DCLK2: variants seen among roughly 807,000 people sequenced by gnomAD.
DCLK2 encodes the protein doublecortin like kinase 2, also known as serine/threonine-protein kinase DCLK2.
In DCLK2, 31 loss-of-function variants were observed where a neutral mutation model predicts 78.4. The ratio of observed to expected loss-of-function variants is 0.40; its 90% CI spans 0.30 to 0.53. DCLK2 has a LOEUF of 0.53. Ranked by LOEUF, DCLK2 falls within the 20% of genes least tolerant of loss-of-function variation. The pLI is 0.61. For missense variants in DCLK2, 872 were observed against 973.7 expected (o/e 0.90, Z 1.39); for synonymous variants, 407 against 374.9 (o/e 1.09, Z -0.99).
intron 2 of DCLK2, among the ~76,000 whole-genome samples, chr4:150,128,311 G>C (rs1259374812): frequency 1.3e-5 from 2 of 152,102 alleles, no homozygotes; most frequent in Non-Finnish European, 2.9e-5. Context: ...GGAGTATTAA[G>C]GGAAAAGCAA....
chr4:150,228,459 C>T (rs1741783391), intron 8 of DCLK2, among the ~76,000 whole-genome samples: 1 of 152,182 alleles, frequency 6.6e-6, no homozygotes, highest in African/African-American at 2.4e-5. Context: ...CACTTTGGTA[C>T]CTACTGTTTG....
At chr4:150,191,995 C>A (rs1181644977) in intron 2 of DCLK2, among the ~76,000 whole-genome samples, 1 of 151,998 alleles carries the variant, frequency 6.6e-6, no homozygotes, top group Non-Finnish European at 1.5e-5. Flanking sequence ...TGGATTACTT[C>A]TTAAGAAGAA....
At chr4:150,138,307 T>C (rs1017298369) in intron 2 of DCLK2, among the ~76,000 whole-genome samples, 15 of 152,184 alleles carry the variant, frequency 9.9e-5, no homozygotes, top group African/African-American at 3.6e-4. Flanking sequence ...AGTTCCTCCA[T>C]TGTTGAAAAC....
intron 7 of DCLK2, among the ~76,000 whole-genome samples, chr4:150,223,415 G>A (rs1741346800): frequency 1.3e-5 from 2 of 152,248 alleles, no homozygotes; most frequent in South Asian, 4.1e-4. Context: ...GACATTTTTG[G>A]CATGTTAAAA....
intron 10 of DCLK2, among the ~76,000 whole-genome samples, chr4:150,235,591 T>C (rs1742440341): frequency 6.6e-6 from 1 of 152,172 alleles, no homozygotes; most frequent in Non-Finnish European, 1.5e-5. Context: ...ATATGTGATG[T>C]AGAAAGGCTC....
chr4:150,189,637 T>C (rs940080637), intron 2 of DCLK2, among the ~76,000 whole-genome samples: 19 of 152,016 alleles, frequency 1.2e-4, no homozygotes, highest in Non-Finnish European at 2.5e-4. Context: ...AGACAGAAAA[T>C]TCAGAGAGGT....
At chr4:150,186,280 A>G (rs1737927862) in intron 2 of DCLK2, among the ~76,000 whole-genome samples, 1 of 152,136 alleles carries the variant, frequency 6.6e-6, no homozygotes, top group Non-Finnish European at 1.5e-5. Flanking sequence ...TCAGTGTTCA[A>G]CTCGTTTAAA....
chr4:150,249,587 A>T lies in DCLK2; in HGVS notation c.1976A>T (p.Asn659Ile). The T allele has an allele frequency of 6.2e-7, 1 of 1,613,734 alleles. No homozygotes were observed. Among genetic ancestry groups the T allele is most frequent in the South Asian group, 1.1e-5 (1 of 91,074 alleles). ...CTGTAGGATGATGCCTCCCAGGAGAATAACATGCAAGCTGAGGTGACAGGT... is the reference window on the plus strand; with the variant it reads ...CTGTAGGATGATGCCTCCCAGGAGATTAACATGCAAGCTGAGGTGACAGGT... ...PWVSDDASQENNMQAEVTGKL... is the reference protein window; with the variant it reads ...PWVSDDASQEINMQAEVTGKL... The change falls in exon 15 of 16, where the codon AAT (asparagine) becomes ATT (isoleucine). Residue 659 changes from asparagine to isoleucine, a missense_variant. Physicochemically the swap from Asn to Ile is moderately radical, Grantham distance 149. This residue lies in a region of DCLK2 where 219 missense variants were observed against 230.1 expected (regional missense o/e 0.95). Coordinates refer to ENST00000296550, the MANE Select transcript of DCLK2 (RefSeq NM_001040260.4).
At chr4:150,183,027 A>G (rs1370418541) in intron 2 of DCLK2, among the ~76,000 whole-genome samples, 1 of 152,148 alleles carries the variant, frequency 6.6e-6, no homozygotes, top group Non-Finnish European at 1.5e-5. Context: ...GAAAATCCAT[A>G]AAAAATGCTG....
At chr4:150,154,013 G>T (rs1261984198) in intron 2 of DCLK2, among the ~76,000 whole-genome samples, 1 of 152,134 alleles carries the variant, frequency 6.6e-6, no homozygotes, top group African/African-American at 2.4e-5. Context: ...GAATCAAACT[G>T]TGTAATTGGA....
intron 2 of DCLK2, among the ~76,000 whole-genome samples, chr4:150,145,638 G>T (rs1734417803): frequency 1.3e-5 from 2 of 152,222 alleles, no homozygotes; most frequent in South Asian, 4.1e-4. Context: ...ATTGCATTAG[G>T]TGGTTAGATC....
intron 8 of DCLK2, among the ~76,000 whole-genome samples, chr4:150,230,363 C>A (rs1033175519): frequency 7.9e-5 from 12 of 152,034 alleles, no homozygotes; most frequent in African/African-American, 2.4e-4. Flanking sequence ...TCTTGGGGTA[C>A]TGGTGAGGGG....
chr4:150,086,503 T>C (rs1274341503), intron 1 of DCLK2, among the ~76,000 whole-genome samples: 1 of 34,884 alleles, frequency 2.9e-5, no homozygotes, highest in Non-Finnish European at 1.2e-4. Flanking sequence ...CCAGATTCTT[T>C]TTATTTTTTT....
intron 2 of DCLK2, among the ~76,000 whole-genome samples, chr4:150,167,512 C>T (rs1040742838): frequency 6.6e-6 from 1 of 152,054 alleles, no homozygotes; most frequent in African/African-American, 2.4e-5. Context: ...TTATCCACAC[C>T]TACCGGCAAA....
intron 8 of DCLK2, 64 bp from the exon 9 acceptor site, chr4:150,232,273 C>A: frequency 6.3e-7 from 1 of 1,574,890 alleles, no homozygotes; most frequent in Non-Finnish European, 8.6e-7. Context: ...TGCTGTCCTC[C>A]AGGCCTTCGA....
chr4:150,132,811 A>G (rs1256778352), intron 2 of DCLK2, among the ~76,000 whole-genome samples: 1 of 152,178 alleles, frequency 6.6e-6, no homozygotes, highest in Non-Finnish European at 1.5e-5. Flanking sequence ...TACTTTTTGT[A>G]GAGACGGGGT....
intron 5 of DCLK2, chr4:150,209,771 G>A (rs893372983): frequency 2.0e-5 from 3 of 152,210 alleles, no homozygotes; most frequent in Non-Finnish European, 4.4e-5. Context: ...ACTCCACACA[G>A]GTAAATCTAT....
chr4:150,250,370 A>G (rs1018659444), intron 15 of DCLK2, among the ~76,000 whole-genome samples: 5 of 152,258 alleles, frequency 3.3e-5, no homozygotes, highest in Non-Finnish European at 4.4e-5. Flanking sequence ...AGGAAAAAAC[A>G]TTGAACCAGA....
At chr4:150,113,720 T>C (rs1006051282) in intron 2 of DCLK2, among the ~76,000 whole-genome samples, 13 of 152,092 alleles carry the variant, frequency 8.5e-5, no homozygotes, top group Non-Finnish European at 1.6e-4. Context: ...CATTGATCTT[T>C]TGTATTGTCT....
Sources: gnomAD v4.1 joint callset for allele counts (sites outside exome capture counted in the v4.1 genomes callset) on GRCh38, gnomAD v4.1.1 for gene constraint, gnomAD v4.1.1 regional missense constraint, MANE v1.5 for transcripts, NCBI Gene and HGNC (gene_info 2026-07-23, HGNC 2026-07-21) for gene names.